Variants in RGS5 observed in about 807,000 individuals in gnomAD.
RGS5 encodes regulator of G protein signaling 5, also known as regulator of G-protein signalling 5.
In RGS5, 20 loss-of-function variants were observed where a neutral mutation model predicts 18.9. The observed-to-expected ratio is 1.06, with a 90% CI of 0.74 to 1.54. The LOEUF (loss-of-function observed/expected upper bound fraction) is 1.54, where lower values mean the gene tolerates loss of function less well. Ranked by LOEUF, RGS5 falls within the 40% of genes most tolerant of loss-of-function variation. RGS5 has a pLI of 0.00. For synonymous variants in RGS5, 57 were observed against 76.2 expected, an observed-to-expected ratio of 0.75 and a Z score of 1.31; for missense variants, 201 against 211.8, an observed-to-expected ratio of 0.95 and a Z score of 0.32.
intron 1 of RGS5, among the ~76,000 whole-genome samples, chr1:163,196,573 C>T (rs1377295182): frequency 6.6e-6 from 1 of 152,162 alleles, no homozygotes; most frequent in African/African-American, 2.4e-5. Context: ...AGCTGGAATA[C>T]AGAATGCAAT....
In RGS5 at chr1:163,188,479, T is replaced by C. The variant is rs116780644; in HGVS notation, c.44+14313A>G. Among the ~76,000 whole-genome samples the C allele has an allele frequency of 6.6e-4, 100 of 152,236 alleles. 2 individuals are homozygous for C. The highest frequency in any genetic ancestry group is 2.0e-3 in the African/African-American group (84 of 41,534). ...CCCAGGAACTGCTGAAACCAGGGCA[T>C]ATAGTGTGAAGGAGTTCCTTCATTT... On this transcript the variant is annotated intron_variant, in intron 1 of 4. Transcript: ENST00000313961.
At chr1:163,259,984 T>C (rs1244696160) in intron 2 of RGS5, 1 of 152,244 alleles carries the variant, frequency 6.6e-6, no homozygotes, top group Non-Finnish European at 1.5e-5. Flanking sequence ...AATTCCAAAA[T>C]AGAACCCTGA....
intron 1 of RGS5, among the ~76,000 whole-genome samples, chr1:163,201,171 A>G (rs16850474): frequency 0.062 from 9,482 of 152,236 alleles, 297 homozygotes; most frequent in Middle Eastern, 0.15. Context: ...ATTTCAAACA[A>G]TAAGTATGCT....
At chr1:163,265,619 T>C (rs778274639) in intron 2 of RGS5, among the ~76,000 whole-genome samples, 1 of 152,118 alleles carries the variant, frequency 6.6e-6, no homozygotes, top group African/African-American at 2.4e-5. Context: ...GTTCAAAAGA[T>C]TATGTATTCT....
At chr1:163,208,253 C>T (rs1169419267) in intron 1 of RGS5, among the ~76,000 whole-genome samples, 1 of 70,646 alleles carries the variant, frequency 1.4e-5, no homozygotes, top group African/African-American at 7.3e-5. Context: ...GAGGCTGAGG[C>T]AGGAGAATGG....
upstream of RGS5, among the ~76,000 whole-genome samples, chr1:163,218,601 AAAT>A (rs1235327019): frequency 8.5e-5 from 13 of 152,096 alleles, no homozygotes; most frequent in African/African-American, 3.1e-4. Flanking sequence ...GTAAAAATAA[AAAT>A]AAAAAATAGA....
intron 2 of RGS5, among the ~76,000 whole-genome samples, chr1:163,297,082 G>C (rs1649439981): frequency 6.6e-6 from 1 of 152,142 alleles, no homozygotes; most frequent in Admixed American, 6.5e-5. Flanking sequence ...TCTGGGGCCG[G>C]TGTCAGATGG....
intron 2 of RGS5, among the ~76,000 whole-genome samples, chr1:163,257,980 C>T (rs1648322436): frequency 6.6e-6 from 1 of 152,174 alleles, no homozygotes; most frequent in South Asian, 2.1e-4. Context: ...GACAGTGCTC[C>T]CTCAGGAGAT....
At chr1:163,318,667 G>T (rs986524612) in intron 1 of RGS5, among the ~76,000 whole-genome samples, 30 of 151,926 alleles carry the variant, frequency 2.0e-4, no homozygotes, top group Admixed American at 1.8e-3. Flanking sequence ...CTATTTAATG[G>T]GTAGGCAGAG....
rs147304324 is a variant in RGS5 at position 163,211,522 on chromosome 1, G to A, written c.69+6004C>T. 1.0e-3 allele frequency: 154 copies of A among 152,218 alleles called. 3 individuals are homozygous for A. Among genetic ancestry groups the A allele is most frequent in the African/African-American group, 3.5e-3 (147 of 41,544 alleles). 9.4% of individuals were successfully genotyped at this position (152,218 alleles called of 1,614,324 possible). On this transcript the variant is annotated intron_variant, in intron 1 of 5. Transcript: ENST00000367903. ...GATTCTCACTAGCTCTTTTCGCTTG[G>A]TTCATGAAAGAATCGTGACTGGAAA...
intron 2 of RGS5, among the ~76,000 whole-genome samples, chr1:163,275,963 G>A (rs1270909977): frequency 4.6e-5 from 7 of 152,012 alleles, no homozygotes; most frequent in South Asian, 2.1e-4. Context: ...TAAATAGCTC[G>A]TAAAATAAGA....
chr1:163,281,136 T>C (rs1265031844), intron 2 of RGS5, among the ~76,000 whole-genome samples: 1 of 152,110 alleles, frequency 6.6e-6, no homozygotes, highest in East Asian at 1.9e-4. Context: ...CTGCTGTCTG[T>C]CATCCATGTA....
chr1:163,255,729 C>T (rs1286324451), intron 2 of RGS5, among the ~76,000 whole-genome samples: 7 of 151,494 alleles, frequency 4.6e-5, no homozygotes, highest in South Asian at 2.1e-4. Flanking sequence ...ACTGGCAAAC[C>T]GAATCCAGCA....
At chr1:163,162,042 A>C (rs1277571538) in intron 2 of RGS5, 66 bp from the exon 3 acceptor site, 1 of 1,027,222 alleles carries the variant, frequency 9.7e-7, no homozygotes. Context: ...ATGTACCAGC[A>C]ATAACTACTT....
chr1:163,171,141 A>C (rs1191790102), intron 1 of RGS5, among the ~76,000 whole-genome samples: 1 of 152,190 alleles, frequency 6.6e-6, no homozygotes, highest in Non-Finnish European at 1.5e-5. Context: ...CCCGCAAGTT[A>C]CTAAGGAATT....
chr1:163,178,107 A>G (rs1658642750), intron 1 of RGS5, among the ~76,000 whole-genome samples: 1 of 152,114 alleles, frequency 6.6e-6, no homozygotes, highest in Admixed American at 6.5e-5. Flanking sequence ...ATTCAAGACC[A>G]GCCTAGACAA....
At chr1:163,318,053 A>G (rs1485639881) in intron 1 of RGS5, among the ~76,000 whole-genome samples, 1 of 152,206 alleles carries the variant, frequency 6.6e-6, no homozygotes, top group Non-Finnish European at 1.5e-5. Flanking sequence ...CAGACTATGG[A>G]ACAAGGAAAG....
chr1:163,193,530 A>C (rs1659440736), intron 1 of RGS5, among the ~76,000 whole-genome samples: 1 of 152,190 alleles, frequency 6.6e-6, no homozygotes, highest in Non-Finnish European at 1.5e-5. Context: ...CACATGGATT[A>C]GCTGTGTTGA....
upstream of RGS5, among the ~76,000 whole-genome samples, chr1:163,204,662 TAAAC>T (rs1659899911): frequency 1.3e-5 from 2 of 152,216 alleles, no homozygotes; most frequent in South Asian, 4.1e-4. Flanking sequence ...CTGAATGAGT[TAAAC>T]AAACTGTCCA....
Sources: allele counts gnomAD v4.1 joint callset (sites outside exome capture counted in the v4.1 genomes callset), GRCh38; gene constraint gnomAD v4.1.1; transcripts MANE v1.5; gene names NCBI Gene and HGNC (gene_info 2026-07-23, HGNC 2026-07-21).